The following MSRA variants were observed in gnomAD, a reference collection of about 807,000 sequenced individuals.
The protein encoded by MSRA is methionine sulfoxide reductase A, also known as mitochondrial peptide methionine sulfoxide reductase.
In MSRA, 54 loss-of-function variants were observed where a neutral mutation model predicts 31.3. The ratio of observed to expected loss-of-function variants is 1.73; its 90% CI spans 1.39 to 2.17. The LOEUF is 2.17. Ranked by LOEUF, MSRA falls within the 30% of genes most tolerant of loss-of-function variation. The pLI, the probability that MSRA is intolerant of heterozygous loss-of-function variation, is 0.00. For missense variants in MSRA, 507 were observed against 300.9 expected (o/e 1.69, Z -5.07); for synonymous variants, 169 against 116.5 (o/e 1.45, Z -2.90).
intron 1 of MSRA, among the ~76,000 whole-genome samples, chr8:10,123,932 G>A (rs1002002886): frequency 2.6e-5 from 4 of 151,258 alleles, no homozygotes; most frequent in Non-Finnish European, 5.9e-5. Context: ...TGGTGCAATC[G>A]CAGCTCACTG....
At chr8:10,091,364 G>T (rs10087802) in intron 1 of MSRA, among the ~76,000 whole-genome samples, 13,179 of 152,122 alleles carry the variant, frequency 0.087, 685 homozygotes, top group African/African-American at 0.14. Context: ...TATGTGCATT[G>T]CCTCACATAT....
At chr8:10,128,380 CA>C (rs546837619) in intron 1 of MSRA, among the ~76,000 whole-genome samples, 297 of 132,822 alleles carry the variant, frequency 2.2e-3, no homozygotes, top group Middle Eastern at 3.9e-3. Context: ...ACTCTTGTCT[CA>C]AAAAAAAAAA....
chr8:10,241,242 A>G (rs977647402), intron 2 of MSRA, among the ~76,000 whole-genome samples: 1 of 152,042 alleles, frequency 6.6e-6, no homozygotes, highest in South Asian at 2.1e-4. Flanking sequence ...GAAATGGTCG[A>G]TTCTGGGACT....
At chr8:10,414,912 A>G (rs549923631) in intron 5 of MSRA, among the ~76,000 whole-genome samples, 147 of 152,372 alleles carry the variant, frequency 9.6e-4, no homozygotes, top group African/African-American at 3.0e-3. Flanking sequence ...GGACAGGGAA[A>G]GAGAAGGAGA....
chr8:10,072,468 T>A (rs1165070178), intron 1 of MSRA, among the ~76,000 whole-genome samples: 1 of 152,162 alleles, frequency 6.6e-6, no homozygotes, highest in Non-Finnish European at 1.5e-5. Flanking sequence ...GATCTATGGG[T>A]CTCCCTCTGT....
At chr8:10,151,799 T>A (rs1803702531) in intron 1 of MSRA, among the ~76,000 whole-genome samples, 1 of 152,190 alleles carries the variant, frequency 6.6e-6, no homozygotes, top group African/African-American at 2.4e-5. Context: ...AACCTGCCAA[T>A]CTTATTTCTT....
At chr8:10,379,632 C>T (rs1805948760) in intron 5 of MSRA, among the ~76,000 whole-genome samples, 1 of 152,228 alleles carries the variant, frequency 6.6e-6, no homozygotes, top group African/African-American at 2.4e-5. Flanking sequence ...TTGGCCAGCA[C>T]ACCCTCTAGT....
At chr8:10,182,588 G>T (rs1806639320) in intron 1 of MSRA, among the ~76,000 whole-genome samples, 1 of 152,010 alleles carries the variant, frequency 6.6e-6, no homozygotes, top group Non-Finnish European at 1.5e-5. Flanking sequence ...ATTTATTGTG[G>T]GCACATAGTA....
chr8:10,337,602 G>A (rs972078948), intron 5 of MSRA: 1 of 658,708 alleles, frequency 1.5e-6, no homozygotes, highest in East Asian at 2.7e-5. Flanking sequence ...TCTGGAAGTT[G>A]GTTAATTTTT....
intron 3 of MSRA, among the ~76,000 whole-genome samples, chr8:10,265,991 C>T (rs775522843): frequency 6.6e-6 from 1 of 152,180 alleles, no homozygotes; most frequent in Non-Finnish European, 1.5e-5. Context: ...ATCCTTTTCC[C>T]TGCTGATGAA....
At chr8:10,137,919 C>A (rs756693225) in intron 1 of MSRA, among the ~76,000 whole-genome samples, 1 of 152,164 alleles carries the variant, frequency 6.6e-6, no homozygotes. Flanking sequence ...ACCGCAAAGG[C>A]ATTATCTCTA....
chr8:10,159,229 A>G (rs1013842297), intron 1 of MSRA, among the ~76,000 whole-genome samples: 6 of 152,160 alleles, frequency 3.9e-5, no homozygotes, highest in Admixed American at 6.5e-5. Context: ...CTGAAACTGC[A>G]TTTCCTGCCT....
At chr8:10,134,887 G>T (rs1277377155) in intron 1 of MSRA, among the ~76,000 whole-genome samples, 1 of 152,246 alleles carries the variant, frequency 6.6e-6, no homozygotes, top group Non-Finnish European at 1.5e-5. Flanking sequence ...TAAGAAATCA[G>T]TCCCAAAGAG....
chr8:10,419,316 T>C (rs1485672717), intron 5 of MSRA, among the ~76,000 whole-genome samples: 1 of 152,010 alleles, frequency 6.6e-6, no homozygotes, highest in Non-Finnish European at 1.5e-5. Context: ...CAGACCTGGA[T>C]TCTTGTCCCG....
At chr8:10,056,238 A>T (rs1231477438) in intron 1 of MSRA, among the ~76,000 whole-genome samples, 1 of 151,746 alleles carries the variant, frequency 6.6e-6, no homozygotes, top group Non-Finnish European at 1.5e-5. Flanking sequence ...ATAATCCAAA[A>T]ACTCTTGTTC....
intron 5 of MSRA, among the ~76,000 whole-genome samples, chr8:10,389,471 T>A (rs983654967): frequency 6.6e-6 from 1 of 152,280 alleles, no homozygotes; most frequent in South Asian, 2.1e-4. Flanking sequence ...GTCATTGTTA[T>A]GTTCTGCCAT....
At chr8:10,420,931 A>G (rs892400645) in intron 5 of MSRA, among the ~76,000 whole-genome samples, 1 of 151,032 alleles carries the variant, frequency 6.6e-6, no homozygotes, top group Non-Finnish European at 1.5e-5. Context: ...TGAGAGGTCC[A>G]AGCTGCACTG....
chr8:10,113,289 C>CTTTTTTTTTTTTTT (rs1467440154), intron 1 of MSRA, among the ~76,000 whole-genome samples: 1,018 of 50,858 alleles, frequency 0.02, 322 homozygotes, highest in Admixed American at 0.029. Flanking sequence ...GAAGACAGGT[C>CTTTTTTTTTTTTTT]TTCTTTTTTT....
At chr8:10,230,047 T>A (rs930644353) in intron 2 of MSRA, among the ~76,000 whole-genome samples, 2 of 152,204 alleles carry the variant, frequency 1.3e-5, no homozygotes, top group African/African-American at 2.4e-5. Context: ...TTCAAAGTGT[T>A]ACAGTTTAAT....
Sources: gnomAD v4.1 joint callset for allele counts (sites outside exome capture counted in the v4.1 genomes callset) on GRCh38, gnomAD v4.1.1 for gene constraint, MANE v1.5 for transcripts, NCBI Gene and HGNC (gene_info 2026-07-23, HGNC 2026-07-21) for gene names.